Variants in IFT140 observed in about 807,000 individuals in gnomAD.
IFT140 encodes the protein intraflagellar transport 140.
Under a neutral mutation model 164.6 loss-of-function variants are expected in IFT140, and 133 were observed. The ratio of observed to expected loss-of-function variants is 0.81; its 90% CI spans 0.70 to 0.93. IFT140 has a LOEUF of 0.93. Among genes scored for constraint, IFT140 ranks in the 40% least tolerant of loss-of-function variants. The probability of loss-of-function intolerance (pLI) is 0.00; values close to 1 mark genes in which losing one functional copy is unlikely to be tolerated. For synonymous variants in IFT140, 860 were observed against 817.3 expected, an observed-to-expected ratio of 1.05 and a Z score of -0.89; for missense variants, 2,045 against 1,972.3, an observed-to-expected ratio of 1.04 and a Z score of -0.70.
At chr16:1,548,194 G>A (rs1841507482) in intron 19 of IFT140, among the ~76,000 whole-genome samples, 2 of 152,086 alleles carry the variant, frequency 1.3e-5, no homozygotes, top group South Asian at 4.1e-4. Context: ...GACTTGAGGT[G>A]GCCAGGGGGC....
intron 22 of IFT140, 40 bp downstream of exon 22, chr16:1,525,191 G>T: frequency 6.7e-7 from 1 of 1,498,980 alleles, no homozygotes; most frequent in Non-Finnish European, 9.3e-7. Context: ...AAACCTCCAG[G>T]ATGGAGTGCG....
At chr16:1,571,250 G>A (rs1418535847) in intron 14 of IFT140, among the ~76,000 whole-genome samples, 157 bp downstream of exon 14, 4 of 152,204 alleles carry the variant, frequency 2.6e-5, no homozygotes, top group African/African-American at 4.8e-5. Context: ...GCCAGGAACT[G>A]AGCCCCAACA....
rs2033203151 is a variant in IFT140, at chr16:1,558,075, C to T, written c.2259G>A (p.Met753Ile). Residue 753 changes from methionine to isoleucine, a missense_variant, in exon 19 of 31, where the codon ATG becomes ATA. Transcript: ENST00000426508. ...VEPGCHHIPQ[M>I]VSRRPLRDFV... ...AGTCTCGCAGGGGTCTCCTGGACAC[C>T]ATCTGAGGGATGTGGTGGCACCCAG... 1.9e-6 allele frequency: 3 copies of T among 1,614,156 alleles called. No individual in the cohort carries two copies. The highest frequency in any genetic ancestry group is 1.7e-6 in the Non-Finnish European group (2 of 1,180,040).
intron 12 of IFT140, 108 bp downstream of exon 12, chr16:1,583,206 C>T: frequency 1.0e-6 from 1 of 973,234 alleles, no homozygotes; most frequent in Non-Finnish European, 1.6e-6. Context: ...AAGGGTCTCC[C>T]CAGCCCCTGT....
At chr16:1,570,725 C>T (rs1017909690) in intron 14 of IFT140, among the ~76,000 whole-genome samples, 2 of 152,182 alleles carry the variant, frequency 1.3e-5, no homozygotes, top group Non-Finnish European at 2.9e-5. Flanking sequence ...TGTTTTGTTA[C>T]CTTCTGTGTT....
At chr16:1,541,865 C>T (rs1014782200) in intron 19 of IFT140, 23 of 1,495,264 alleles carry the variant, frequency 1.5e-5, no homozygotes, top group African/African-American at 4.2e-5. Context: ...TGACGGCTGG[C>T]GTGGCCTCTG....
At chr16:1,597,377 T>A (rs908878195) in intron 4 of IFT140, among the ~76,000 whole-genome samples, 46 of 152,356 alleles carry the variant, frequency 3.0e-4, no homozygotes, top group African/African-American at 1.0e-3. Context: ...GGCCCCTCCC[T>A]GAGTCTGGAC....
chr16:1,599,901 A>T (rs2035699535), intron 4 of IFT140, among the ~76,000 whole-genome samples: 1 of 110,312 alleles, frequency 9.1e-6, no homozygotes. Context: ...GGCCGCCCCT[A>T]CTGGGAAGTG....
In IFT140 at chr16:1,587,321, C is replaced by A. The variant is rs377542255; in HGVS notation, c.903-17G>T. On this transcript the variant is annotated splice_polypyrimidine_tract_variant and intron_variant, in intron 8 of 30. Transcript: ENST00000426508. ...TCCCAGAATCTACAACAGAAGAAAG[C>A]AAGCCCCATGGAGGGCCTGTGTTAG... is the stretch of plus-strand genomic sequence containing the variant. 2.2e-5 allele frequency: 34 copies of A among 1,543,722 alleles called. No homozygotes were observed. Among genetic ancestry groups the A allele is most frequent in the Non-Finnish European group, 3.0e-5 (34 of 1,116,520 alleles).
intron 19 of IFT140, among the ~76,000 whole-genome samples, chr16:1,537,819 G>C (rs986296051): frequency 3.9e-5 from 6 of 152,188 alleles, no homozygotes; most frequent in African/African-American, 1.4e-4. Context: ...CGCTAGCTGA[G>C]GGGGAGCCCC....
chr16:1,548,093 T>C (rs571159445), intron 19 of IFT140, among the ~76,000 whole-genome samples: 1 of 152,252 alleles, frequency 6.6e-6, no homozygotes, highest in Non-Finnish European at 1.5e-5. Flanking sequence ...AGCCTCTCGC[T>C]CTTCCCTCCC....
intron 19 of IFT140, among the ~76,000 whole-genome samples, chr16:1,545,973 G>A (rs1362376546): frequency 6.6e-5 from 10 of 152,208 alleles, no homozygotes; most frequent in South Asian, 2.1e-4. Flanking sequence ...CTTGGCTGCC[G>A]CTGCCCTTGG....
chr16:1,568,364 C>A, intron 14 of IFT140, 30 bp from the exon 15 acceptor site: 1 of 1,545,182 alleles, frequency 6.5e-7, no homozygotes, highest in Non-Finnish European at 8.9e-7. Flanking sequence ...CCTCAGTGCC[C>A]GCCAGAGGCC....
intron 19 of IFT140, chr16:1,554,712 G>C: frequency 6.3e-7 from 1 of 1,584,804 alleles, no homozygotes; most frequent in South Asian, 1.2e-5. Flanking sequence ...CTCTAGGACA[G>C]AGGGCTGGGG....
chr16:1,561,844 G>T, intron 18 of IFT140, 141 bp downstream of exon 18: 2 of 725,472 alleles, frequency 2.8e-6, no homozygotes, highest in Non-Finnish European at 4.2e-6. Context: ...AGACTGGATG[G>T]CTGATGCTGT....
intron 20 of IFT140, chr16:1,526,343 C>T: frequency 1.7e-6 from 1 of 583,530 alleles, no homozygotes; most frequent in Non-Finnish European, 3.0e-6. Flanking sequence ...CCCAGAAGTC[C>T]CGTGCTCAGC....
At chr16:1,569,918 G>A (rs1010188788) in intron 14 of IFT140, among the ~76,000 whole-genome samples, 9 of 151,970 alleles carry the variant, frequency 5.9e-5, no homozygotes, top group African/African-American at 2.2e-4. Context: ...ATAAAATGCT[G>A]GGACTACAGG....
At chr16:1,571,649 T>G in intron 13 of IFT140, 115 bp from the exon 14 acceptor site, 1 of 1,164,440 alleles carries the variant, frequency 8.6e-7, no homozygotes, top group Non-Finnish European at 1.2e-6. Flanking sequence ...CTGAACATTG[T>G]TCACAGATAA....
chr16:1,557,871 G>A (rs1209147408), intron 19 of IFT140, 64 bp downstream of exon 19: 23 of 1,502,372 alleles, frequency 1.5e-5, no homozygotes, highest in Non-Finnish European at 2.0e-5. Context: ...AAGGCAAACA[G>A]GGAGAAAGGA....
Sources: allele counts gnomAD v4.1 joint callset (sites outside exome capture counted in the v4.1 genomes callset), GRCh38; gene constraint gnomAD v4.1.1; transcripts MANE v1.5; gene names NCBI Gene and HGNC (gene_info 2026-07-23, HGNC 2026-07-21).